The following SLC24A1 variants were observed in gnomAD, a reference collection of about 807,000 sequenced individuals.
SLC24A1 encodes the protein solute carrier family 24 member 1, also known as sodium/potassium/calcium exchanger 1.
A neutral mutation model predicts 88.1 loss-of-function variants in SLC24A1; 52 were observed. That is an observed-to-expected ratio of 0.59 (90% CI 0.47 to 0.74). SLC24A1 has a LOEUF of 0.74. Ranked by LOEUF, SLC24A1 falls within the 30% of genes least tolerant of loss-of-function variation. The pLI, the probability that SLC24A1 is intolerant of heterozygous loss-of-function variation, is 0.00. For missense variants in SLC24A1, 1,173 were observed against 1,363.3 expected (o/e 0.86, Z 2.20); for synonymous variants, 455 against 498.0 (o/e 0.91, Z 1.15).
intron 8 of SLC24A1, chr15:65,652,331 C>T (rs2075536055): frequency 3.3e-6 from 1 of 303,890 alleles, no homozygotes; most frequent in Admixed American, 4.7e-5. Flanking sequence ...TTTGGAAGGG[C>T]AGTTCTTGTG....
chr15:65,622,407 T>C (rs2074349908), intron 1 of SLC24A1, among the ~76,000 whole-genome samples: 1 of 152,026 alleles, frequency 6.6e-6, no homozygotes, highest in South Asian at 2.1e-4. Context: ...GAAAGGGGAG[T>C]TAGGAGGCTC....
chr15:65,635,464 A>G (rs940634157), intron 2 of SLC24A1, among the ~76,000 whole-genome samples: 23 of 149,816 alleles, frequency 1.5e-4, no homozygotes, highest in East Asian at 1.9e-4. Flanking sequence ...AAAAAAAAAA[A>G]AAAAAAGAAA....
chr15:65,647,810 T>C (rs1326415621), intron 6 of SLC24A1, among the ~76,000 whole-genome samples: 1 of 152,212 alleles, frequency 6.6e-6, no homozygotes, highest in Admixed American at 6.5e-5. Flanking sequence ...CAGTTCAAAC[T>C]GCAGGCCTCA....
chr15:65,636,318 C>T (rs1459913869), intron 2 of SLC24A1, among the ~76,000 whole-genome samples: 1 of 152,196 alleles, frequency 6.6e-6, no homozygotes, highest in African/African-American at 2.4e-5. Flanking sequence ...TAGCCAGTCA[C>T]TCACACCTGT....
Position 65,625,210 on chromosome 15 carries a change from C to T in SLC24A1, c.1130C>T (p.Thr377Ile), listed in dbSNP as rs779497185. ...AAGAAACCTTCCACAGCACCCAGCA[C>T]CTCAACAACCCCTACGGTCAGGGCA... ...LAKKPSTAPS[T>I]STTPTVRAKL... The change falls in exon 2 of 10, where the codon ACC (threonine) becomes ATC (isoleucine). Residue 377 changes from threonine to isoleucine, a missense_variant. Thr to Ile is a moderately conservative substitution (Grantham distance 89). Coordinates refer to ENST00000261892, the MANE Select transcript of SLC24A1 (RefSeq NM_004727.3). 6.2e-7 allele frequency: 1 copy of T among 1,613,950 alleles called. No individual in the cohort carries two copies. Among genetic ancestry groups the T allele is most frequent in the Admixed American group, 1.7e-5 (1 of 60,022 alleles).
chr15:65,651,411 A>G (rs918956945), intron 7 of SLC24A1, among the ~76,000 whole-genome samples: 1 of 152,178 alleles, frequency 6.6e-6, no homozygotes, highest in East Asian at 1.9e-4. Flanking sequence ...TTCTAGGGCA[A>G]GCAAACAGCT....
Position 65,625,502 on chromosome 15 carries a change from C to T in SLC24A1, c.1422C>T (p.Asp474=), listed in dbSNP as rs549052224. Residue 474 remains aspartate (D), a synonymous_variant, in exon 2 of 10, where the codon GAC becomes GAT. Transcript: ENST00000261892. ...YVFVALAIVC[D]EYFVPALGVI... is the part of the protein sequence containing the mutation. ...TTGTGGCCTTGGCCATTGTTTGCGACGAGTACTTCGTTCCAGCCCTGGGTG... is the reference window on the plus strand; with the variant it reads ...TTGTGGCCTTGGCCATTGTTTGCGATGAGTACTTCGTTCCAGCCCTGGGTG... 2.0e-5 allele frequency: 33 copies of T among 1,614,042 alleles called. No individual in the cohort carries two copies. The highest frequency in any genetic ancestry group is 1.2e-4 in the South Asian group (11 of 91,084).
At chr15:65,621,398 C>G (rs1187177489), upstream of SLC24A1, among the ~76,000 whole-genome samples, 2 of 152,162 alleles carry the variant, frequency 1.3e-5, no homozygotes, top group African/African-American at 4.8e-5. Flanking sequence ...TTAGTGCCCT[C>G]TACACCAAGG....
rs111310111 is a variant in SLC24A1 at position 65,639,570 on chromosome 15, A to ACTGAGGC, written c.1945-22_1945-21insAGGCCTG. 375,211 of 1,512,572 alleles carry ACTGAGGC rather than the reference A, an allele frequency of 0.25. 54,545 individuals are homozygous for ACTGAGGC. The highest frequency in any genetic ancestry group is 0.64 in the African/African-American group (45,613 of 71,752). The allele number at this position is 1,512,572 out of a possible 1,614,324, so 93.7% of individuals were successfully genotyped here. A position where few individuals can be genotyped will look rare whatever the true frequency, so the allele number is the denominator to read the frequency against. ...CCTCCCCTGGCTTGGACAGGGGCCC[A>ACTGAGGC]CTGTGCGGCTCTCCTCTTGCTCAGC... is the stretch of plus-strand genomic sequence containing the variant. On this transcript the variant is annotated intron_variant, in intron 3 of 9. Coordinates refer to ENST00000261892, the MANE Select transcript of SLC24A1 (RefSeq NM_004727.3).
At chr15:65,659,213 A>G (rs2075770031), downstream of SLC24A1, 1 of 152,150 alleles carries the variant, frequency 6.6e-6, no homozygotes, top group Admixed American at 6.6e-5. Flanking sequence ...GCTGTAGCAA[A>G]AGGGCATTTC....
chr15:65,645,794 C>A, intron 6 of SLC24A1, 91 bp downstream of exon 6: 1 of 826,876 alleles, frequency 1.2e-6, no homozygotes. Flanking sequence ...GGTCTGAAAT[C>A]CTATTTGAGG....
chr15:65,640,427 GC>G (rs1422181862), intron 4 of SLC24A1, among the ~76,000 whole-genome samples: 5 of 152,114 alleles, frequency 3.3e-5, no homozygotes, highest in African/African-American at 1.2e-4. Context: ...CCAGAGAGCT[GC>G]CCCCAACATG....
At chr15:65,622,551 A>T (rs749400031) in intron 1 of SLC24A1, among the ~76,000 whole-genome samples, 8 of 152,122 alleles carry the variant, frequency 5.3e-5, no homozygotes, top group Non-Finnish European at 1.2e-4. Flanking sequence ...CTTCTAATAT[A>T]TCATATGCAA....
chr15:65,612,694 G>A (rs571058563), intron 2 of SLC24A1: 2 of 152,294 alleles, frequency 1.3e-5, no homozygotes, highest in African/African-American at 4.8e-5. Context: ...AGAATGTGTG[G>A]GTAAGCAAGT....
At position 65,625,317 on chromosome 15, in the gene SLC24A1, A is replaced by G; in HGVS notation, c.1237A>G (p.Thr413Ala). 6.2e-7 allele frequency: 1 copy of G among 1,613,888 alleles called. No homozygotes were observed. Among genetic ancestry groups the G allele is most frequent in the South Asian group, 1.1e-5 (1 of 91,086 alleles). The change falls in exon 2 of 10, where the codon ACA becomes GCA. Residue 413 changes from threonine (T) to alanine (A), a missense_variant. Physicochemically the swap from Thr to Ala is moderately conservative, Grantham distance 58. Transcript: ENST00000261892. Reference protein sequence around the residue: ...MLTTPSPSLTTALLPEELSPS... With the variant: ...MLTTPSPSLTAALLPEELSPS... ...CACCACTCCCTCCCCAAGCCTCACA[A>G]CAGCCCTGCTCCCAGAGGAGCTCAG...
chr15:65,643,494 C>T (rs1305255219), intron 4 of SLC24A1, among the ~76,000 whole-genome samples: 6 of 152,172 alleles, frequency 3.9e-5, no homozygotes, highest in East Asian at 1.9e-4. Flanking sequence ...GAATAGAGCC[C>T]GTAGATCCCA....
rs2074498564 is a variant in SLC24A1, at chr15:65,625,930, G to A, written c.1850G>A (p.Arg617Lys). Reference protein sequence around the residue: ...EVWVKEQLSRRPVAKVMALED... With the variant: ...EVWVKEQLSRKPVAKVMALED... ...TGGGTGAAGGAGCAGCTCAGCAGGA[G>A]GCCAGTGGCCAAGGTCATGGCCTTA... The change falls in exon 2 of 10, where the codon AGG becomes AAG. Residue 617 changes from arginine to lysine, a missense_variant. Transcript: ENST00000261892. 6.2e-7 allele frequency: 1 copy of A among 1,614,016 alleles called. No individual in the cohort carries two copies. Among genetic ancestry groups the A allele is most frequent in the Non-Finnish European group, 8.5e-7 (1 of 1,179,892 alleles).
intron 2 of SLC24A1, among the ~76,000 whole-genome samples, chr15:65,635,446 CAAAAAAAAAAAAAAA>C (rs56960432): frequency 0.01 from 591 of 58,408 alleles, 6 homozygotes; most frequent in Non-Finnish European, 0.012. Context: ...ACTCCGTCTC[CAAAAAAAAAAAAAAA>C]AAAAAAAAAG....
intron 2 of SLC24A1, among the ~76,000 whole-genome samples, chr15:65,634,978 G>A (rs2074866232): frequency 6.6e-6 from 1 of 152,082 alleles, no homozygotes; most frequent in African/African-American, 2.4e-5. Flanking sequence ...TAAGAAAATG[G>A]ATATGAAAGG....
Sources: gnomAD v4.1 joint callset for allele counts (sites outside exome capture counted in the v4.1 genomes callset) on GRCh38, gnomAD v4.1.1 for gene constraint, MANE v1.5 for transcripts, NCBI Gene and HGNC (gene_info 2026-07-23, HGNC 2026-07-21) for gene names.